HIVEP2: variants seen among roughly 807,000 people sequenced by gnomAD.
The protein encoded by HIVEP2 is transcription factor HIVEP2.
A neutral mutation model predicts 180.7 loss-of-function variants in HIVEP2; 14 were observed. The observed-to-expected ratio is 0.08, with a 90% CI of 0.05 to 0.12. HIVEP2 has a LOEUF of 0.12. Among genes scored for constraint, HIVEP2 ranks in the 10% least tolerant of loss-of-function variants. The probability of loss-of-function intolerance (pLI) is 1.00; values close to 1 mark genes in which losing one functional copy is unlikely to be tolerated. For synonymous variants in HIVEP2, 1,184 were observed against 1,136.4 expected, an observed-to-expected ratio of 1.04 and a Z score of -0.84; for missense variants, 2,579 against 3,008.5, an observed-to-expected ratio of 0.86 and a Z score of 3.34.
intron 1 of HIVEP2, among the ~76,000 whole-genome samples, chr6:142,927,660 A>G (rs1777849607): frequency 6.6e-6 from 1 of 152,214 alleles, no homozygotes; most frequent in Admixed American, 6.5e-5. Context: ...TCAATCTTAT[A>G]CTTATCCACT....
At chr6:142,881,369 A>T (rs1450670704) in intron 1 of HIVEP2, among the ~76,000 whole-genome samples, 6 of 152,206 alleles carry the variant, frequency 3.9e-5, no homozygotes, top group Admixed American at 3.9e-4. Flanking sequence ...TTGGAAAGAG[A>T]ATTTTTTAAG....
In HIVEP2 at chr6:142,793,673, TTCTCTC is replaced by T. The variant is rs71546219; in HGVS notation, c.-527-10064_-527-10059del. Among the ~76,000 whole-genome samples, 195 of 107,504 alleles carry T rather than the reference TTCTCTC, an allele frequency of 1.8e-3. 1 individual carries two copies. Among genetic ancestry groups the T allele is most frequent in the African/African-American group, 6.9e-3 (188 of 27,098 alleles). 70.5% of individuals were successfully genotyped at this position (107,504 alleles called of 152,430 possible). On this transcript the variant is annotated intron_variant, in intron 2 of 9. Coordinates refer to ENST00000367603, the MANE Select transcript of HIVEP2 (RefSeq NM_006734.4). The stretch of plus-strand genomic sequence containing the variant: ...CTTTCTTTCTTTTTTCTTTCTTTCT[TTCTCTC>T]TCTCTCTCTCTCTCTCTCTGTCTGT...
chr6:142,786,612 C>A (rs778009234), intron 2 of HIVEP2, among the ~76,000 whole-genome samples: 2 of 152,136 alleles, frequency 1.3e-5, no homozygotes, highest in Non-Finnish European at 2.9e-5. Flanking sequence ...GAAAAAAAAT[C>A]CTTGGCATTA....
intron 2 of HIVEP2, among the ~76,000 whole-genome samples, chr6:142,825,990 A>G (rs1055452753): frequency 1.3e-5 from 2 of 152,150 alleles, no homozygotes; most frequent in Non-Finnish European, 2.9e-5. Flanking sequence ...ATATCTTCAA[A>G]TAAATGAATT....
At position 142,835,302 on chromosome 6, in the gene HIVEP2, T is replaced by A. The variant is rs148764648; in HGVS notation, c.-528+1633A>T. ...CACAGTGCAATACACAAGGAGGCCA[T>A]CTGCACTCAATGTCCAGGCCATGTC... On this transcript the variant is annotated intron_variant, in intron 2 of 9. Transcript: ENST00000367603. Among the ~76,000 whole-genome samples the A allele has an allele frequency of 2.4e-3, 364 of 152,316 alleles. 3 individuals carry two copies. Among genetic ancestry groups the A allele is most frequent in the African/African-American group, 8.4e-3 (349 of 41,586 alleles).
chr6:142,771,388 G>C lies in HIVEP2; in HGVS notation c.3351C>G (p.Ser1117=). Residue 1117 remains serine, a synonymous_variant, in exon 5 of 10, where the codon TCC becomes TCG. Transcript: ENST00000367603. This position sits in a 1 kb window ranked among gnomAD's most constrained non-coding sequence, Gnocchi z 5.4. ...CAGCAGGCGGGCCATGGTGCCACCC[G>C]GACCGGAGGCCAGCATGCAGGTGCT... ...QLEHLHAGLR[S]GWHHGPPAVL... 1 of 1,613,028 alleles carries C rather than the reference G, an allele frequency of 6.2e-7. No homozygotes were observed. The highest frequency in any genetic ancestry group is 8.5e-7 in the Non-Finnish European group (1 of 1,179,950).
At chr6:142,889,619 C>T (rs1207569994) in intron 1 of HIVEP2, among the ~76,000 whole-genome samples, 1 of 152,132 alleles carries the variant, frequency 6.6e-6, no homozygotes, top group Non-Finnish European at 1.5e-5. Flanking sequence ...CTCTCTGAAC[C>T]TTAGGTTCCC....
At chr6:142,901,093 T>A (rs1777123101) in intron 1 of HIVEP2, among the ~76,000 whole-genome samples, 1 of 152,230 alleles carries the variant, frequency 6.6e-6, no homozygotes, top group Non-Finnish European at 1.5e-5. Context: ...TTACTCCTTA[T>A]AAAATTACCT....
At chr6:142,880,162 G>A (rs1022041137) in intron 1 of HIVEP2, among the ~76,000 whole-genome samples, 2 of 152,024 alleles carry the variant, frequency 1.3e-5, no homozygotes, top group Non-Finnish European at 2.9e-5. Flanking sequence ...ATATTTCCCA[G>A]GATTCTAAAC....
chr6:142,894,128 T>G (rs1000301877), intron 1 of HIVEP2, among the ~76,000 whole-genome samples: 10 of 152,236 alleles, frequency 6.6e-5, no homozygotes, highest in Admixed American at 6.5e-4. Context: ...ATAGTAGAGT[T>G]GCCATTTTAA....
intron 2 of HIVEP2, among the ~76,000 whole-genome samples, chr6:142,813,958 T>C (rs1327321555): frequency 2.0e-5 from 3 of 151,910 alleles, no homozygotes; most frequent in African/African-American, 7.3e-5. Flanking sequence ...TCACTGCAAA[T>C]ATAATGATGA....
At chr6:142,792,002 G>T (rs929507585) in intron 2 of HIVEP2, among the ~76,000 whole-genome samples, 2 of 152,152 alleles carry the variant, frequency 1.3e-5, no homozygotes, top group Non-Finnish European at 2.9e-5. Flanking sequence ...AGATTTGCAG[G>T]CAGAGATGCA....
At position 142,753,144 on chromosome 6, in the gene HIVEP2, C is replaced by T; in HGVS notation, c.7304G>A (p.Ser2435Asn). The T allele has an allele frequency of 1.2e-6, 2 of 1,612,056 alleles. No homozygotes were observed. Among genetic ancestry groups the T allele is most frequent in the South Asian group, 1.1e-5 (1 of 91,052 alleles). ...ACTCTTTTCTGATGAAGGATCTTTG[C>T]TTTCCTCTGTGCTTGAAGATAATTC... ...SKELSSSTEE[S>N]KDPSSEKSQL... The change falls in exon 10 of 10, where the codon AGC becomes AAC. Residue 2435 changes from serine to asparagine, a missense_variant. Ser to Asn is a conservative substitution (Grantham distance 46). This residue lies in a region of HIVEP2 where 660 missense variants were observed against 731.7 expected (regional missense o/e 0.90). Transcript: ENST00000367603.
chr6:142,798,128 T>C (rs1049087813), intron 2 of HIVEP2, among the ~76,000 whole-genome samples: 1 of 151,994 alleles, frequency 6.6e-6, no homozygotes, highest in Admixed American at 6.6e-5. Flanking sequence ...GCTACTACCA[T>C]GAGTGGAGAC....
In HIVEP2 at chr6:142,771,392, C is replaced by T. The variant is rs199589962; in HGVS notation, c.3347G>A (p.Arg1116Gln). 2.8e-5 allele frequency: 45 copies of T among 1,613,132 alleles called. No individual in the cohort carries two copies. Among genetic ancestry groups the T allele is most frequent in the Admixed American group, 1.0e-4 (6 of 60,022 alleles). ...AGGCGGGCCATGGTGCCACCCGGAC[C>T]GGAGGCCAGCATGCAGGTGCTCCAG... ...EQLEHLHAGL[R>Q]SGWHHGPPAV... The change falls in exon 5 of 10, where the codon CGG (arginine) becomes CAG (glutamine). Residue 1116 changes from arginine to glutamine, a missense_variant. Arg to Gln is a conservative substitution (Grantham distance 43, BLOSUM62 1). This residue lies in a region of HIVEP2 where 523 missense variants were observed against 577.0 expected (regional missense o/e 0.91). Transcript: ENST00000367603. The surrounding 1 kb of genome is among the most constrained non-coding windows in gnomAD (Gnocchi z 5.4).
chr6:142,920,460 A>T (rs1170021837), intron 1 of HIVEP2, among the ~76,000 whole-genome samples: 14 of 152,090 alleles, frequency 9.2e-5, no homozygotes, highest in Non-Finnish European at 1.9e-4. Context: ...GACAACCAAG[A>T]CCCCATGATT....
chr6:142,782,787 A>C (rs1775889638), intron 3 of HIVEP2, among the ~76,000 whole-genome samples: 2 of 152,242 alleles, frequency 1.3e-5, no homozygotes, highest in African/African-American at 4.8e-5. Context: ...TGCAGGCATC[A>C]TTGCATATAT....
chr6:142,810,677 G>A (rs561282971), intron 2 of HIVEP2, among the ~76,000 whole-genome samples: 3 of 149,038 alleles, frequency 2.0e-5, no homozygotes, highest in Admixed American at 6.8e-5. Context: ...CAGGAGAATT[G>A]CTTGAACCCG....
At chr6:142,757,257 C>T (rs1775100554) in intron 9 of HIVEP2, among the ~76,000 whole-genome samples, 1 of 152,120 alleles carries the variant, frequency 6.6e-6, no homozygotes, top group Non-Finnish European at 1.5e-5. Flanking sequence ...CAGATCTGTT[C>T]CCTCATACCA....
Sources: gnomAD v4.1 joint callset for allele counts (sites outside exome capture counted in the v4.1 genomes callset) on GRCh38, gnomAD v4.1.1 for gene constraint, gnomAD v4.1.1 regional missense constraint, Gnocchi (gnomAD v3.1) non-coding constraint, MANE v1.5 for transcripts, NCBI Gene and HGNC (gene_info 2026-07-23, HGNC 2026-07-21) for gene names.